Variants in NAALADL2 observed in about 807,000 individuals in gnomAD.
The protein encoded by NAALADL2 is N-acetylated alpha-linked acidic dipeptidase like 2, also known as inactive N-acetylated-alpha-linked acidic dipeptidase-like protein 2.
In NAALADL2, 76 loss-of-function variants were observed where a neutral mutation model predicts 87.2. The observed-to-expected ratio is 0.87, with a 90% CI of 0.72 to 1.05. The LOEUF is 1.05. Among genes scored for constraint, NAALADL2 ranks in the 50% least tolerant of loss-of-function variants. The probability of loss-of-function intolerance (pLI) is 0.00; values close to 1 mark genes in which losing one functional copy is unlikely to be tolerated. For synonymous variants in NAALADL2, 354 were observed against 331.0 expected (o/e 1.07, Z -0.75); for missense variants, 1,089 against 945.8 (o/e 1.15, Z -1.99).
chr3:174,934,148 TCTA>T (rs570798309), intron 1 of NAALADL2, among the ~76,000 whole-genome samples: 243 of 152,284 alleles, frequency 1.6e-3, no homozygotes, highest in South Asian at 4.8e-3. Flanking sequence ...ATTTAGTTCT[TCTA>T]CTACTACTAC....
chr3:175,301,360 C>T (rs1757065048), intron 4 of NAALADL2, among the ~76,000 whole-genome samples: 3 of 152,070 alleles, frequency 2.0e-5, no homozygotes, highest in African/African-American at 7.2e-5. Context: ...ACCACCATGG[C>T]ACATATATAC....
chr3:175,790,231 G>A (rs1752617723), intron 13 of NAALADL2, among the ~76,000 whole-genome samples: 1 of 152,100 alleles, frequency 6.6e-6, no homozygotes, highest in South Asian at 2.1e-4. Flanking sequence ...GTGAAGCAGG[G>A]TCTGTGAACA....
chr3:175,234,902 A>C (rs1034837718), intron 3 of NAALADL2: 1 of 152,122 alleles, frequency 6.6e-6, no homozygotes, highest in African/African-American at 2.4e-5. Flanking sequence ...TGTTGTGAGA[A>C]AAAATTACAA....
intron 1 of NAALADL2, among the ~76,000 whole-genome samples, chr3:175,094,818 C>T (rs1188740780): frequency 2.7e-5 from 4 of 149,130 alleles, no homozygotes; most frequent in African/African-American, 9.9e-5. Context: ...TCTCCATCTC[C>T]ACAATGTCTT....
chr3:175,779,663 A>T (rs986250819), intron 13 of NAALADL2, among the ~76,000 whole-genome samples: 1 of 152,182 alleles, frequency 6.6e-6, no homozygotes, highest in African/African-American at 2.4e-5. Flanking sequence ...AAGATTTGGG[A>T]ATATCATGGG....
chr3:175,756,758 A>G (rs1276308316), intron 13 of NAALADL2, among the ~76,000 whole-genome samples: 5 of 152,064 alleles, frequency 3.3e-5, no homozygotes, highest in Non-Finnish European at 7.4e-5. Context: ...TCACCATTAC[A>G]TAATATGTCC....
chr3:174,929,508 T>C (rs1736560689), intron 1 of NAALADL2, among the ~76,000 whole-genome samples: 1 of 152,162 alleles, frequency 6.6e-6, no homozygotes, highest in Non-Finnish European at 1.5e-5. Context: ...TTTTAGAGCA[T>C]TATATATATT....
At chr3:175,487,473 C>T (rs1000785468) in intron 9 of NAALADL2, 2 of 452,844 alleles carry the variant, frequency 4.4e-6, no homozygotes, top group African/African-American at 4.0e-5. Flanking sequence ...ATTTATTTGC[C>T]CATCCAAAGC....
chr3:175,661,624 A>G (rs1732269488), intron 11 of NAALADL2, among the ~76,000 whole-genome samples: 1 of 151,910 alleles, frequency 6.6e-6, no homozygotes, highest in Non-Finnish European at 1.5e-5. Context: ...TAATAGTTTC[A>G]TATCTTACGT....
intron 2 of NAALADL2, among the ~76,000 whole-genome samples, chr3:175,177,847 A>ATGTG (rs3066287): frequency 1.1e-4 from 17 of 151,104 alleles, no homozygotes; most frequent in South Asian, 4.2e-4. Context: ...GTGTGTGTGT[A>ATGTG]TGTGTGTGTG....
chr3:174,647,997 A>C (rs979136669), intron 2 of NAALADL2, among the ~76,000 whole-genome samples: 5 of 152,202 alleles, frequency 3.3e-5, no homozygotes, highest in Non-Finnish European at 7.3e-5. Flanking sequence ...GTCCTGTTAC[A>C]CAAAAGTTAA....
intron 1 of NAALADL2, among the ~76,000 whole-genome samples, chr3:174,897,510 G>A (rs1442656838): frequency 6.6e-6 from 1 of 151,990 alleles, no homozygotes; most frequent in Non-Finnish European, 1.5e-5. Context: ...CAAAAGACAG[G>A]CAATAACAAA....
intron 4 of NAALADL2, among the ~76,000 whole-genome samples, chr3:175,275,067 C>G (rs1424732290): frequency 1.3e-5 from 2 of 152,118 alleles, no homozygotes; most frequent in Admixed American, 6.6e-5. Flanking sequence ...GTACTTTTTA[C>G]TGACTAAAGT....
intron 10 of NAALADL2, among the ~76,000 whole-genome samples, chr3:175,621,822 G>T (rs1424296948): frequency 6.6e-6 from 1 of 151,974 alleles, no homozygotes; most frequent in Non-Finnish European, 1.5e-5. Flanking sequence ...ATCTGTTTTG[G>T]TGCCCACAGG....
intron 9 of NAALADL2, among the ~76,000 whole-genome samples, chr3:175,545,982 A>T (rs928999351): frequency 6.6e-6 from 1 of 152,138 alleles, no homozygotes; most frequent in Admixed American, 6.6e-5. Context: ...TTGTTCTCAG[A>T]TGTCTGGTAT....
chr3:175,750,943 T>G (rs926892199), intron 12 of NAALADL2, among the ~76,000 whole-genome samples: 3 of 152,170 alleles, frequency 2.0e-5, no homozygotes, highest in African/African-American at 7.2e-5. Context: ...ACTGAACACA[T>G]GTATTTTACT....
intron 9 of NAALADL2, among the ~76,000 whole-genome samples, chr3:175,495,658 T>C (rs1728708059): frequency 6.6e-6 from 1 of 152,106 alleles, no homozygotes; most frequent in Non-Finnish European, 1.5e-5. Flanking sequence ...CACTTTATCG[T>C]CATTTCCTTA....
intron 2 of NAALADL2, among the ~76,000 whole-genome samples, chr3:175,215,049 C>CT (rs1208550836): frequency 6.6e-6 from 1 of 152,078 alleles, no homozygotes; most frequent in African/African-American, 2.4e-5. Flanking sequence ...CCACAGCCCT[C>CT]TTTTTTTCCC....
At chr3:175,079,970 C>CTTT (rs754948428) in intron 1 of NAALADL2, among the ~76,000 whole-genome samples, 36 of 144,254 alleles carry the variant, frequency 2.5e-4, no homozygotes, top group African/African-American at 9.3e-4. Context: ...GAAATATAGA[C>CTTT]TTTTTTTTTT....
Sources: allele counts gnomAD v4.1 joint callset (sites outside exome capture counted in the v4.1 genomes callset), GRCh38; gene constraint gnomAD v4.1.1; transcripts MANE v1.5; gene names NCBI Gene and HGNC (gene_info 2026-07-23, HGNC 2026-07-21).